The following CFAP47 variants were observed in gnomAD, a reference collection of about 807,000 sequenced individuals.
CFAP47 encodes the protein cilia- and flagella-associated protein 47.
A neutral mutation model predicts 148.1 loss-of-function variants in CFAP47; 29 were observed. That is an observed-to-expected ratio of 0.20 (90% CI 0.15 to 0.27). CFAP47 has a LOEUF of 0.27. Among genes scored for constraint, CFAP47 ranks in the 10% least tolerant of loss-of-function variants. CFAP47 has a pLI of 1.00. For synonymous variants in CFAP47, 664 were observed against 577.3 expected (o/e 1.15, Z -2.15); for missense variants, 1,872 against 1,697.5 (o/e 1.10, Z -1.81).
At position 36,139,381 on chromosome X, in the gene CFAP47, G is replaced by A. The variant is rs182747823; in HGVS notation, c.5535+917G>A. Among the ~76,000 whole-genome samples, 32 of 111,489 alleles carry A rather than the reference G, an allele frequency of 2.9e-4. 1 individual carries two copies. The highest frequency in any genetic ancestry group is 1.4e-3 in the Admixed American group (15 of 10,450). ...AATAGGTTTCCCCAGTTGAAGTTTG[G>A]TATTGGAAACAGAGACATAGGCATA... On this transcript the variant is annotated intron_variant, in intron 35 of 63. Transcript: ENST00000378653.
At chrX:36,108,854 T>C (rs1024956833) in intron 33 of CFAP47, among the ~76,000 whole-genome samples, 1 of 107,820 alleles carries the variant, frequency 9.3e-6, no homozygotes, top group Non-Finnish European at 1.9e-5. Context: ...GTTATATAGG[T>C]AAACTCATGT....
chrX:36,081,170 A>G (rs774521589), intron 29 of CFAP47, among the ~76,000 whole-genome samples: 1 of 111,529 alleles, frequency 9.0e-6, no homozygotes, highest in African/African-American at 3.3e-5. Context: ...GTGGCATTAC[A>G]ACTGATCCCA....
rs144323688 is a variant in CFAP47 at position 36,364,043 on chromosome X, T to C, written c.9023+2542T>C. 6.6e-3 allele frequency among the ~76,000 whole-genome samples: 743 copies of C among 111,776 alleles called. 5 individuals are homozygous for C. The highest frequency in any genetic ancestry group is 0.017 in the African/African-American group (538 of 30,871). On this transcript the variant is annotated intron_variant, in intron 61 of 63. Coordinates refer to ENST00000378653, the MANE Select transcript of CFAP47 (RefSeq NM_001304548.2). ...CCTTAGCTTGACATTTTCCTAGAACTTTTTACCTGCTCAAGAGCTGAACAG... is the reference window on the plus strand; with the variant it reads ...CCTTAGCTTGACATTTTCCTAGAACCTTTTACCTGCTCAAGAGCTGAACAG...
chrX:36,362,416 A>G (rs1941836501), intron 61 of CFAP47, among the ~76,000 whole-genome samples: 1 of 112,236 alleles, frequency 8.9e-6, no homozygotes, highest in African/African-American at 3.2e-5. Flanking sequence ...AACATGCAGT[A>G]TTTGGTTTCC....
chrX:36,383,933 T>A (rs1462058305), intron 63 of CFAP47, among the ~76,000 whole-genome samples: 2 of 111,975 alleles, frequency 1.8e-5, no homozygotes, highest in Admixed American at 9.5e-5. Flanking sequence ...TAAACATATA[T>A]GCAGAAGAAA....
chrX:36,060,809 A>C (rs1016683594), intron 26 of CFAP47, among the ~76,000 whole-genome samples: 4 of 111,645 alleles, frequency 3.6e-5, no homozygotes, highest in African/African-American at 1.3e-4. Flanking sequence ...TACAGCTAAC[A>C]TATTATGGGT....
chrX:36,171,759 C>T (rs369907893), intron 39 of CFAP47, among the ~76,000 whole-genome samples: 1 of 111,469 alleles, frequency 9.0e-6, no homozygotes, highest in Non-Finnish European at 1.9e-5. Context: ...TCTTTTGGCT[C>T]AGGATTGACT....
At chrX:36,045,729 G>A (rs1937457398) in intron 25 of CFAP47, among the ~76,000 whole-genome samples, 2 of 112,000 alleles carry the variant, frequency 1.8e-5, no homozygotes, top group Admixed American at 1.9e-4. Flanking sequence ...ATTAAATTGT[G>A]CTAGAAAGCA....
intron 13 of CFAP47, among the ~76,000 whole-genome samples, chrX:35,972,250 G>A (rs1370922266): frequency 9.1e-6 from 1 of 110,340 alleles, no homozygotes; most frequent in African/African-American, 3.3e-5. Context: ...TCTTTTTTGA[G>A]ACAGAGTCTC....
At chrX:36,112,310 C>T (rs1481393344) in intron 33 of CFAP47, among the ~76,000 whole-genome samples, 1 of 111,485 alleles carries the variant, frequency 9.0e-6, no homozygotes, top group Non-Finnish European at 1.9e-5. Context: ...TATCTTTTTT[C>T]TCATTAGTTT....
intron 48 of CFAP47, among the ~76,000 whole-genome samples, chrX:36,243,680 T>C (rs1940577787): frequency 1.2e-5 from 1 of 86,005 alleles, no homozygotes; most frequent in East Asian, 3.4e-4. Flanking sequence ...TATATATATA[T>C]ATATATATTC....
At chrX:36,180,109 T>C (rs1939732991) in intron 40 of CFAP47, among the ~76,000 whole-genome samples, 1 of 111,665 alleles carries the variant, frequency 9.0e-6, no homozygotes, top group African/African-American at 3.3e-5. Flanking sequence ...GGGTTGCAAA[T>C]ACATTTTAGG....
At chrX:36,239,098 G>A (rs1292758440) in intron 48 of CFAP47, among the ~76,000 whole-genome samples, 1 of 112,156 alleles carries the variant, frequency 8.9e-6, no homozygotes, top group Admixed American at 9.5e-5. Flanking sequence ...CTAAAAACTA[G>A]AGAACATAAA....
chrX:36,261,932 G>T (rs1168253199), intron 49 of CFAP47, among the ~76,000 whole-genome samples: 1 of 110,994 alleles, frequency 9.0e-6, no homozygotes, highest in Non-Finnish European at 1.9e-5. Flanking sequence ...CTCCCGGACG[G>T]GTCGGCTGGC....
At chrX:36,233,150 G>A (rs1483902327) in intron 46 of CFAP47, among the ~76,000 whole-genome samples, 1 of 111,447 alleles carries the variant, frequency 9.0e-6, no homozygotes, top group African/African-American at 3.3e-5. Flanking sequence ...GCAGAGCTGA[G>A]TTCAAGTCCT....
chrX:36,359,755 T>A (rs782311257), intron 60 of CFAP47, among the ~76,000 whole-genome samples: 1 of 111,354 alleles, frequency 9.0e-6, no homozygotes, highest in South Asian at 3.8e-4. Flanking sequence ...TCTTTATTTT[T>A]ATTTGTATTT....
intron 57 of CFAP47, among the ~76,000 whole-genome samples, chrX:36,342,000 A>G (rs1412586869): frequency 9.0e-6 from 1 of 111,221 alleles, no homozygotes; most frequent in Non-Finnish European, 1.9e-5. Flanking sequence ...ATGGATAAAA[A>G]AAGAAAGAAA....
At chrX:35,962,352 T>G (rs768233041) in intron 8 of CFAP47, among the ~76,000 whole-genome samples, 1 of 111,494 alleles carries the variant, frequency 9.0e-6, no homozygotes, top group Non-Finnish European at 1.9e-5. Flanking sequence ...TGGCTTATGA[T>G]GTTTTTCAGT....
intron 49 of CFAP47, among the ~76,000 whole-genome samples, chrX:36,263,817 C>G (rs1322205288): frequency 8.9e-6 from 1 of 111,878 alleles, no homozygotes; most frequent in African/African-American, 3.3e-5. Flanking sequence ...ACTTTTCACT[C>G]TGCTTTTCTC....
Sources: gnomAD v4.1 joint callset for allele counts (sites outside exome capture counted in the v4.1 genomes callset) on GRCh38, gnomAD v4.1.1 for gene constraint, MANE v1.5 for transcripts, NCBI Gene and HGNC (gene_info 2026-07-23, HGNC 2026-07-21) for gene names.